ERCC6L2: variants seen among roughly 807,000 people sequenced by gnomAD.
ERCC6L2 encodes ERCC excision repair 6 like 2, also known as DNA excision repair protein ERCC-6-like 2.
In ERCC6L2, 77 loss-of-function variants were observed where a neutral mutation model predicts 132.0. The ratio of observed to expected loss-of-function variants is 0.58; its 90% CI spans 0.49 to 0.71. ERCC6L2 has a LOEUF of 0.71. ERCC6L2 is among the 30% of genes least tolerant of loss of function. ERCC6L2 has a pLI of 0.00. For synonymous variants in ERCC6L2, 583 were observed against 632.4 expected, an observed-to-expected ratio of 0.92 and a Z score of 1.17; for missense variants, 1,542 against 1,837.6, an observed-to-expected ratio of 0.84 and a Z score of 2.94.
intron 2 of ERCC6L2, among the ~76,000 whole-genome samples, chr9:95,883,850 C>T (rs1827726057): frequency 6.6e-6 from 1 of 152,188 alleles, no homozygotes; most frequent in African/African-American, 2.4e-5. Context: ...GAGTGAGACT[C>T]TGTCTCACAT....
In ERCC6L2 at chr9:95,966,849, T is replaced by C; in HGVS notation, c.2100+135T>C. 4.9e-6 allele frequency: 3 copies of C among 617,880 alleles called. No homozygotes were observed. In the South Asian group the frequency reaches 1.7e-4, roughly 35 times the overall value. 38.3% of individuals were successfully genotyped at this position (617,880 alleles called of 1,614,324 possible). A position where few individuals can be genotyped will look rare whatever the true frequency, so the allele number is the denominator to read the frequency against. ...CTTTATCAAAAATGCCTTGGAATTTTTACTTTTAGAGAATAAGAAATGAAT... is the reference window on the plus strand; with the variant it reads ...CTTTATCAAAAATGCCTTGGAATTTCTACTTTTAGAGAATAAGAAATGAAT... On this transcript the variant is annotated intron_variant, in intron 14 of 18. Coordinates refer to ENST00000653738, the MANE Select transcript of ERCC6L2 (RefSeq NM_020207.7).
chr9:95,921,754 T>G lies in ERCC6L2; in HGVS notation c.1299+439T>G, dbSNP rs1283418012. Among the ~76,000 whole-genome samples the G allele has an allele frequency of 2.0e-5, 3 of 152,192 alleles. No homozygotes were observed. In the East Asian group the frequency reaches 5.8e-4, roughly 29 times the overall value. On this transcript the variant is annotated intron_variant, in intron 7 of 18. Coordinates refer to ENST00000653738, the MANE Select transcript of ERCC6L2 (RefSeq NM_020207.7). ...GTGTTTTTTTTAAAGAAACAAAATT[T>G]ATTTGTACTTTTTCTAACCTTTTGT... is the stretch of plus-strand genomic sequence containing the variant.
intron 18 of ERCC6L2, among the ~76,000 whole-genome samples, chr9:96,010,763 C>T (rs140984215): frequency 3.7e-4 from 57 of 152,264 alleles, no homozygotes; most frequent in African/African-American, 1.3e-3. Flanking sequence ...TCACTCTATT[C>T]TACTTTGATT....
chr9:95,941,375 AAC>A (rs777542369), intron 11 of ERCC6L2, 77 bp from the exon 12 acceptor site: 59 of 1,016,776 alleles, frequency 5.8e-5, no homozygotes, highest in Non-Finnish European at 7.8e-5. Context: ...TGGCTATAGA[AAC>A]CTGGCACAGT....
At chr9:95,953,579 A>G (rs1349543660) in intron 12 of ERCC6L2, among the ~76,000 whole-genome samples, 1 of 151,860 alleles carries the variant, frequency 6.6e-6, no homozygotes, top group African/African-American at 2.4e-5. Context: ...TGTCTCAAAA[A>G]AAAAAAAAAA....
intron 16 of ERCC6L2, 92 bp downstream of exon 16, chr9:95,973,180 C>T: frequency 1.1e-6 from 1 of 891,610 alleles, no homozygotes; most frequent in East Asian, 6.3e-5. Context: ...GTAAAACAGC[C>T]CTAAAATCAA....
chr9:95,914,131 C>G (rs926418824), intron 4 of ERCC6L2, among the ~76,000 whole-genome samples: 1 of 152,192 alleles, frequency 6.6e-6, no homozygotes, highest in African/African-American at 2.4e-5. Context: ...TCTGGTTTCT[C>G]CACATCCTTA....
intron 16 of ERCC6L2, among the ~76,000 whole-genome samples, chr9:95,977,656 T>G (rs908499262): frequency 3.9e-5 from 6 of 151,908 alleles, no homozygotes; most frequent in Non-Finnish European, 7.4e-5. Context: ...AACCCCATGC[T>G]CTCATTCCAT....
intron 7 of ERCC6L2, 107 bp downstream of exon 7, chr9:95,921,422 C>G: frequency 1.2e-6 from 1 of 816,940 alleles, no homozygotes; most frequent in Non-Finnish European, 1.8e-6. Context: ...TCAGACAGTT[C>G]TTTAAAGCTA....
intron 6 of ERCC6L2, among the ~76,000 whole-genome samples, chr9:95,920,568 G>A (rs556262159): frequency 3.3e-5 from 5 of 152,130 alleles, no homozygotes; most frequent in Middle Eastern, 3.4e-3. Flanking sequence ...GCACCCTAGC[G>A]CCATCCATGT....
intron 17 of ERCC6L2, among the ~76,000 whole-genome samples, chr9:95,982,713 A>G (rs778845954): frequency 5.9e-5 from 9 of 151,838 alleles, no homozygotes; most frequent in Non-Finnish European, 1.0e-4. Context: ...AAATATGTGT[A>G]TATATATATA....
chr9:95,904,350 G>T (rs185734772), intron 3 of ERCC6L2, among the ~76,000 whole-genome samples: 63 of 152,088 alleles, frequency 4.1e-4, no homozygotes, highest in South Asian at 1.0e-3. Flanking sequence ...ATGGTTTCAT[G>T]TATTCATTCA....
chr9:95,932,302 G>A (rs1468132532), intron 11 of ERCC6L2, among the ~76,000 whole-genome samples: 4 of 152,218 alleles, frequency 2.6e-5, no homozygotes, highest in East Asian at 3.9e-4. Context: ...CTGACCTCGT[G>A]ATCTACCTGC....
At chr9:96,000,740 T>TTACCTATGCC (rs1304575579) in intron 17 of ERCC6L2, among the ~76,000 whole-genome samples, 2 of 152,264 alleles carry the variant, frequency 1.3e-5, no homozygotes, top group East Asian at 3.9e-4. Flanking sequence ...TCTTGCAGCA[T>TTACCTATGCC]TACCTATGCC....
intron 19 of ERCC6L2, among the ~76,000 whole-genome samples, chr9:96,037,045 C>A (rs947281873): frequency 4.1e-4 from 62 of 152,232 alleles, no homozygotes; most frequent in Non-Finnish European, 7.1e-4. Context: ...GGATTACAGG[C>A]GTGAGCCACT....
chr9:95,899,053 A>G (rs1339309806), intron 3 of ERCC6L2, among the ~76,000 whole-genome samples: 1 of 152,178 alleles, frequency 6.6e-6, no homozygotes, highest in African/African-American at 2.4e-5. Context: ...GAGCCTATAT[A>G]TATCTCTTTT....
intron 2 of ERCC6L2, 129 bp from the exon 3 acceptor site, chr9:95,897,720 C>T (rs765959892): frequency 2.1e-6 from 2 of 942,134 alleles, no homozygotes; most frequent in Non-Finnish European, 3.2e-6. Flanking sequence ...ACTAATATTT[C>T]ATGTTCTATT....
intron 2 of ERCC6L2, among the ~76,000 whole-genome samples, chr9:95,894,005 T>C (rs1044890192): frequency 5.9e-5 from 9 of 152,182 alleles, no homozygotes; most frequent in African/African-American, 2.2e-4. Flanking sequence ...CATAAACCCA[T>C]TGTAAGTTGA....
chr9:95,923,493 G>T, intron 9 of ERCC6L2, 114 bp downstream of exon 9: 2 of 1,230,384 alleles, frequency 1.6e-6, no homozygotes, highest in South Asian at 1.5e-5. Context: ...AGAAGAGATG[G>T]TGGCTATGGA....
Sources: allele counts gnomAD v4.1 joint callset (sites outside exome capture counted in the v4.1 genomes callset), GRCh38; gene constraint gnomAD v4.1.1; transcripts MANE v1.5; gene names NCBI Gene and HGNC (gene_info 2026-07-23, HGNC 2026-07-21).